Variants in CYLC2 observed in about 807,000 individuals in gnomAD.
CYLC2 encodes cylicin 2.
In CYLC2, 30 loss-of-function variants were observed where a neutral mutation model predicts 26.1. The ratio of observed to expected loss-of-function variants is 1.15; its 90% CI spans 0.86 to 1.56. The LOEUF is 1.56. Among genes scored for constraint, CYLC2 ranks in the 40% most tolerant of loss-of-function variants. The probability of loss-of-function intolerance (pLI) is 0.00; values close to 1 mark genes in which losing one functional copy is unlikely to be tolerated. For missense variants in CYLC2, 498 were observed against 394.4 expected, an observed-to-expected ratio of 1.26 and a Z score of -2.23; for synonymous variants, 158 against 132.8, an observed-to-expected ratio of 1.19 and a Z score of -1.31.
At chr9:103,012,526 A>G (rs1385198899) in intron 6 of CYLC2, among the ~76,000 whole-genome samples, 2 of 152,010 alleles carry the variant, frequency 1.3e-5, no homozygotes, top group Non-Finnish European at 2.9e-5. Context: ...ATTCTTTTTT[A>G]AATAATTCAA....
chr9:103,007,548 C>T (rs1250105791), intron 5 of CYLC2, among the ~76,000 whole-genome samples: 1 of 152,050 alleles, frequency 6.6e-6, no homozygotes, highest in Non-Finnish European at 1.5e-5. Flanking sequence ...GTCTCTAAAA[C>T]AGTAAAACTC....
chr9:103,004,661 C>G, intron 3 of CYLC2, 34 bp from the exon 4 acceptor site: 1 of 1,487,832 alleles, frequency 6.7e-7, no homozygotes, highest in Non-Finnish European at 9.1e-7. Flanking sequence ...TATTCACTCA[C>G]AAGTTGTTCA....
rs1829227034 is a variant in CYLC2, at chr9:102,995,414, GT to G, written c.17+21del. On this transcript the variant is annotated intron_variant, in intron 1 of 7. Coordinates refer to ENST00000374798, the MANE Select transcript of CYLC2 (RefSeq NM_001340.5). ...CCCAAGATTGTAAGTCAAATTTTAT[GT>G]TTTAAAATAACTGAAATACTCGTTA... The G allele has an allele frequency of 1.3e-6, 2 of 1,582,986 alleles. No homozygotes were observed. Among genetic ancestry groups the G allele is most frequent in the South Asian group, 1.1e-5 (1 of 90,302 alleles).
intron 1 of CYLC2, 33 bp from the exon 2 acceptor site, chr9:103,001,545 A>G (rs779487580): frequency 7.3e-7 from 1 of 1,361,326 alleles, no homozygotes; most frequent in East Asian, 2.3e-5. Flanking sequence ...TTTTATATAA[A>G]TTAACTAAAA....
rs761902209 is a variant in CYLC2, at chr9:102,995,411, T to C, written c.17+14T>C. On this transcript the variant is annotated intron_variant, in intron 1 of 7. Coordinates refer to ENST00000374798, the MANE Select transcript of CYLC2 (RefSeq NM_001340.5). ...TCTCCCAAGATTGTAAGTCAAATTT[T>C]ATGTTTTAAAATAACTGAAATACTC... The C allele has an allele frequency of 3.8e-6, 6 of 1,591,424 alleles. No individual in the cohort carries two copies. The African/African-American group carries it at 6.7e-5, about 18-fold the overall frequency.
In CYLC2 at chr9:103,004,772, G is replaced by A. The variant is rs141282812; in HGVS notation, c.258G>A (p.Glu86=). The A allele has an allele frequency of 3.8e-5, 62 of 1,612,446 alleles. No individual in the cohort carries two copies. The highest frequency in any genetic ancestry group is 2.0e-4 in the Admixed American group (12 of 59,726). Residue 86 remains glutamate, a synonymous_variant, in exon 4 of 8, where the codon GAG becomes GAA. Transcript: ENST00000374798. ...ACCGTTCTTTAATGAGAATTTCTGA[G>A]AGACCATCTGTTTATTTAGCTGCCA... ...WMYRSLMRIS[E]RPSVYLAARR... is the part of the protein sequence containing the mutation.
chr9:102,998,430 A>T (rs1362603083), intron 1 of CYLC2, among the ~76,000 whole-genome samples: 4 of 151,988 alleles, frequency 2.6e-5, no homozygotes, highest in Non-Finnish European at 5.9e-5. Context: ...GAATGTCAAA[A>T]ATTGAATGCA....
At chr9:102,998,376 C>T (rs1383833842) in intron 1 of CYLC2, among the ~76,000 whole-genome samples, 3 of 151,666 alleles carry the variant, frequency 2.0e-5, no homozygotes, top group Non-Finnish European at 4.4e-5. Context: ...AAGGGATATA[C>T]TAAGTTTATT....
intron 6 of CYLC2, among the ~76,000 whole-genome samples, chr9:103,014,931 T>A (rs931800296): frequency 5.7e-4 from 76 of 133,672 alleles, no homozygotes; most frequent in African/African-American, 2.0e-3. Flanking sequence ...ATGTATATTA[T>A]GTAGTATACA....
At chr9:103,010,098 A>G (rs946967360) in intron 5 of CYLC2, among the ~76,000 whole-genome samples, 3 of 151,878 alleles carry the variant, frequency 2.0e-5, no homozygotes, top group Admixed American at 1.3e-4. Flanking sequence ...TATTATCACT[A>G]ATTGATTCAA....
At chr9:102,996,462 AT>A (rs1829238441) in intron 1 of CYLC2, among the ~76,000 whole-genome samples, 1 of 151,918 alleles carries the variant, frequency 6.6e-6, no homozygotes, top group Non-Finnish European at 1.5e-5. Context: ...TTATGGTGTT[AT>A]TCTAGTGTAA....
chr9:103,005,580 A>G lies in CYLC2; in HGVS notation c.949A>G (p.Lys317Glu), dbSNP rs762344627. ...DTEKESADSK[K>E]DAKKNAKKDA... ...TGAGAAAGAATCTGCTGATTCAAAG[A>G]AGGATGCAAAGAAAAATGCTAAGAA... Residue 317 changes from lysine (K) to glutamate (E), a missense_variant, in exon 5 of 8, where the codon AAG becomes GAG. Coordinates refer to ENST00000374798, the MANE Select transcript of CYLC2 (RefSeq NM_001340.5). The G allele has an allele frequency of 1.7e-5, 28 of 1,609,482 alleles. No individual in the cohort carries two copies. The highest frequency in any genetic ancestry group is 2.3e-5 in the Non-Finnish European group (27 of 1,177,012).
chr9:103,014,105 T>A (rs1409645401), intron 6 of CYLC2, among the ~76,000 whole-genome samples: 1 of 120,278 alleles, frequency 8.3e-6, no homozygotes, highest in Non-Finnish European at 1.6e-5. Flanking sequence ...AAATTAAATA[T>A]AATAAATATA....
chr9:103,014,135 A>G (rs1430771068), intron 6 of CYLC2, among the ~76,000 whole-genome samples: 1 of 121,090 alleles, frequency 8.3e-6, no homozygotes, highest in Non-Finnish European at 1.6e-5. Flanking sequence ...ATATTATAAT[A>G]TATTAAATAT....
Position 103,003,269 on chromosome 9 carries a change from C to A in CYLC2, c.180+6C>A, listed in dbSNP as rs1300535901. 1 of 1,606,570 alleles carries A rather than the reference C, an allele frequency of 6.2e-7. No homozygotes were observed. Among genetic ancestry groups the A allele is most frequent in the Non-Finnish European group, 8.5e-7 (1 of 1,176,468 alleles). On this transcript the variant is annotated splice_donor_region_variant and intron_variant, in intron 3 of 7. Transcript: ENST00000374798. ...TACGGGACAACACGGTTTCTGTAAG[C>A]ATTGGAAAGATTTTATAATTATCAG... is the stretch of plus-strand genomic sequence containing the variant.
intron 5 of CYLC2, chr9:103,010,701 A>C (rs929457557): frequency 1.3e-5 from 2 of 152,070 alleles, no homozygotes; most frequent in Admixed American, 1.3e-4. Flanking sequence ...TAGTTTAAAG[A>C]TCTACTACAG....
At chr9:102,998,596 G>C (rs1564096009) in intron 1 of CYLC2, among the ~76,000 whole-genome samples, 1 of 151,918 alleles carries the variant, frequency 6.6e-6, no homozygotes, top group African/African-American at 2.4e-5. Flanking sequence ...TGCATAGTCA[G>C]TAGGGGCAAG....
chr9:102,997,852 A>G (rs1458432117), intron 1 of CYLC2, among the ~76,000 whole-genome samples: 1 of 151,964 alleles, frequency 6.6e-6, no homozygotes, highest in Non-Finnish European at 1.5e-5. Context: ...TAATCAGAAA[A>G]ACAAACTTGG....
In CYLC2 at chr9:103,004,772, G is replaced by C. The variant is rs141282812; in HGVS notation, c.258G>C (p.Glu86Asp). 3.7e-6 allele frequency: 6 copies of C among 1,612,566 alleles called. No individual in the cohort carries two copies. In the South Asian group the frequency reaches 6.6e-5, roughly 18 times the overall value. Residue 86 changes from glutamate (E) to aspartate (D), a missense_variant, in exon 4 of 8, where the codon GAG (glutamate) becomes GAC (aspartate). Physicochemically the swap from Glu to Asp is conservative, Grantham distance 45. Transcript: ENST00000374798. Reference protein sequence around the residue: ...WMYRSLMRISERPSVYLAARR... With the variant: ...WMYRSLMRISDRPSVYLAARR... ...ACCGTTCTTTAATGAGAATTTCTGA[G>C]AGACCATCTGTTTATTTAGCTGCCA... is the stretch of plus-strand genomic sequence containing the variant.
Sources: allele counts gnomAD v4.1 joint callset (sites outside exome capture counted in the v4.1 genomes callset), GRCh38; gene constraint gnomAD v4.1.1; transcripts MANE v1.5; gene names NCBI Gene and HGNC (gene_info 2026-07-23, HGNC 2026-07-21).